The following EPB41 variants were observed in gnomAD, a reference collection of about 807,000 sequenced individuals.
EPB41 encodes the protein erythrocyte membrane protein band 4.1, also known as protein 4.1.
EPB41 carries 65 observed loss-of-function variants against 108.0 expected under a neutral mutation model. That is an observed-to-expected ratio of 0.60 (90% CI 0.49 to 0.74). EPB41 has a LOEUF of 0.74. EPB41 is among the 30% of genes least tolerant of loss of function. The probability of loss-of-function intolerance (pLI) is 0.00; values close to 1 mark genes in which losing one functional copy is unlikely to be tolerated. For synonymous variants in EPB41, 336 were observed against 358.9 expected, an observed-to-expected ratio of 0.94 and a Z score of 0.72; for missense variants, 875 against 1,037.0, an observed-to-expected ratio of 0.84 and a Z score of 2.15.
intron 1 of EPB41, among the ~76,000 whole-genome samples, chr1:28,964,313 G>A (rs1390095419): frequency 6.6e-6 from 1 of 152,110 alleles, no homozygotes; most frequent in Non-Finnish European, 1.5e-5. Context: ...ATGTGGTGGT[G>A]CGCCTGTAGT....
intron 1 of EPB41, among the ~76,000 whole-genome samples, chr1:28,926,710 T>C (rs1478538793): frequency 2.0e-5 from 3 of 152,262 alleles, no homozygotes; most frequent in African/African-American, 7.2e-5. Context: ...TCAGAGGTAC[T>C]CAATAAATGT....
At chr1:28,905,419 C>T (rs1446618491) in intron 1 of EPB41, among the ~76,000 whole-genome samples, 1 of 151,870 alleles carries the variant, frequency 6.6e-6, no homozygotes, top group Non-Finnish European at 1.5e-5. Flanking sequence ...ATCGCTTGAA[C>T]CCGGGAGGTG....
chr1:28,916,496 G>T (rs539336449), intron 1 of EPB41, among the ~76,000 whole-genome samples: 10 of 152,288 alleles, frequency 6.6e-5, no homozygotes, highest in African/African-American at 2.4e-4. Context: ...AAGTAGCTGG[G>T]TGTGGTGGCA....
intron 1 of EPB41, among the ~76,000 whole-genome samples, chr1:28,954,976 T>G (rs1437801408): frequency 6.6e-6 from 1 of 152,252 alleles, no homozygotes; most frequent in Non-Finnish European, 1.5e-5. Flanking sequence ...TTTGATTTTA[T>G]TAATCACAAC....
At chr1:28,920,761 T>G (rs2148249003) in intron 1 of EPB41, among the ~76,000 whole-genome samples, 1 of 152,190 alleles carries the variant, frequency 6.6e-6, no homozygotes, top group South Asian at 2.1e-4. Flanking sequence ...CACCTCAGCC[T>G]CCTGAGTAGC....
intron 16 of EPB41, chr1:29,072,181 A>G (rs928360500): frequency 6.6e-6 from 1 of 152,102 alleles, no homozygotes; most frequent in African/African-American, 2.4e-5. Flanking sequence ...GGCTATGTCT[A>G]TTTATAATAT....
intron 1 of EPB41, chr1:28,889,747 T>C: frequency 4.2e-6 from 4 of 941,834 alleles, no homozygotes; most frequent in Non-Finnish European, 5.1e-6. Flanking sequence ...AAGGAGGGAC[T>C]CCTGGAGAGG....
chr1:28,990,335 C>CCTTCCTT (rs548488498), intron 2 of EPB41, among the ~76,000 whole-genome samples: 1 of 126,446 alleles, frequency 7.9e-6, no homozygotes, highest in African/African-American at 3.1e-5. Context: ...TTCCTTCCTT[C>CCTTCCTT]CCTCCCTCCC....
intron 1 of EPB41, chr1:28,902,337 T>C: frequency 5.1e-6 from 5 of 985,452 alleles, no homozygotes; most frequent in Non-Finnish European, 6.0e-6. Context: ...GCAGAATTTC[T>C]AGTTGGGGCT....
rs1162664607 is a variant in EPB41, at chr1:29,053,126, C to G, written c.1659C>G (p.Asp553Glu). Reference sequence around the variant, plus strand: ...TAGCAGCAGCTGTCGATTCGGCAGACCGAAGTCCTCGGCCCACTTCTGCAC... The same window carrying G: ...TAGCAGCAGCTGTCGATTCGGCAGAGCGAAGTCCTCGGCCCACTTCTGCAC... ...LDGAAAVDSA[D>E]RSPRPTSAPA... The change falls in exon 12 of 21, where the codon GAC becomes GAG. Residue 553 changes from aspartate to glutamate, a missense_variant. Coordinates refer to ENST00000343067, the MANE Select transcript of EPB41 (RefSeq NM_001376013.1). The G allele has an allele frequency of 1.2e-6, 2 of 1,614,180 alleles. No individual in the cohort carries two copies. Among genetic ancestry groups the G allele is most frequent in the East Asian group, 4.5e-5 (2 of 44,884 alleles).
At chr1:29,074,790 C>A (rs528026424) in intron 16 of EPB41, among the ~76,000 whole-genome samples, 50 of 152,144 alleles carry the variant, frequency 3.3e-4, no homozygotes, top group Non-Finnish European at 5.6e-4. Flanking sequence ...AGGCTAAAAG[C>A]CAAATAACTT....
rs763832384 is a variant in EPB41 at position 29,033,228 on chromosome 1, A to T, written c.1348A>T (p.Lys450Ter). 3 of 1,613,948 alleles carry T rather than the reference A, an allele frequency of 1.9e-6. No individual in the cohort carries two copies. Among genetic ancestry groups the T allele is most frequent in the Non-Finnish European group, 8.5e-7 (1 of 1,179,910 alleles). The change falls in exon 9 of 21, where the codon AAG becomes TAG. Residue 450 changes from lysine to a stop codon, truncating the protein, a stop_gained. Coordinates refer to ENST00000343067, the MANE Select transcript of EPB41 (RefSeq NM_001376013.1). LOFTEE classifies it high-confidence loss of function. ...TTATAAACGTAGTAGCTTTTTCATC[A>T]AGATTCGGCCTGGAGAGGTACAGAA... is the stretch of plus-strand genomic sequence containing the variant. ...ISYKRSSFFI[K>*]IRPGEQEQYE...
chr1:29,023,107 G>C (rs1361118315), intron 7 of EPB41, among the ~76,000 whole-genome samples: 1 of 151,562 alleles, frequency 6.6e-6, no homozygotes, highest in Admixed American at 6.6e-5. Flanking sequence ...TGATTCTCGT[G>C]CCTCAGCCTC....
At chr1:28,983,753 G>T (rs188787175) in intron 1 of EPB41, among the ~76,000 whole-genome samples, 4 of 152,222 alleles carry the variant, frequency 2.6e-5, no homozygotes, top group African/African-American at 7.2e-5. Context: ...CAGAGGGCAT[G>T]TTACAGTGCT....
chr1:29,088,560 G>A (rs985033216), intron 16 of EPB41, among the ~76,000 whole-genome samples: 68 of 152,238 alleles, frequency 4.5e-4, no homozygotes, highest in African/African-American at 1.4e-3. Context: ...AATGGCCCTT[G>A]ATGATGGTCA....
intron 1 of EPB41, among the ~76,000 whole-genome samples, chr1:28,973,849 A>T (rs1030791551): frequency 6.6e-6 from 1 of 152,130 alleles, no homozygotes; most frequent in Non-Finnish European, 1.5e-5. Flanking sequence ...TTTTGATGAT[A>T]ATCTCACTCT....
chr1:29,075,235 C>T (rs1558243867), intron 16 of EPB41, among the ~76,000 whole-genome samples: 3 of 151,446 alleles, frequency 2.0e-5, no homozygotes, highest in South Asian at 2.1e-4. Flanking sequence ...TCCCAGCACT[C>T]GGAAGGCCGA....
At chr1:29,064,958 G>C in intron 15 of EPB41, 24 bp from the exon 16 acceptor site, 1 of 1,613,334 alleles carries the variant, frequency 6.2e-7, no homozygotes, top group Non-Finnish European at 8.5e-7. Flanking sequence ...GTATTGTTTT[G>C]CATCTTTGTC....
chr1:29,101,295 A>G (rs1665319380), intron 17 of EPB41, among the ~76,000 whole-genome samples: 1 of 152,178 alleles, frequency 6.6e-6, no homozygotes, highest in Non-Finnish European at 1.5e-5. Context: ...GGTACCAACT[A>G]GGTAACCTTA....
Sources: gnomAD v4.1 joint callset for allele counts (sites outside exome capture counted in the v4.1 genomes callset) on GRCh38, gnomAD v4.1.1 for gene constraint, MANE v1.5 for transcripts, NCBI Gene and HGNC (gene_info 2026-07-23, HGNC 2026-07-21) for gene names.